Variants in VAV3 observed in about 807,000 individuals in gnomAD.
VAV3 encodes the protein vav guanine nucleotide exchange factor 3.
VAV3 carries 94 observed loss-of-function variants against 131.2 expected under a neutral mutation model. The ratio of observed to expected loss-of-function variants is 0.72; its 90% CI spans 0.61 to 0.85. VAV3 has a LOEUF of 0.85. VAV3 is among the 40% of genes least tolerant of loss of function. The pLI is 0.00. For synonymous variants in VAV3, 349 were observed against 342.0 expected (o/e 1.02, Z -0.22); for missense variants, 939 against 1,002.7 (o/e 0.94, Z 0.86).
At chr1:107,582,012 C>T (rs2101010256) in intron 25 of VAV3, among the ~76,000 whole-genome samples, 1 of 152,240 alleles carries the variant, frequency 6.6e-6, no homozygotes, top group South Asian at 2.1e-4. Context: ...TTGTAACAAG[C>T]ACATGTGTTC....
rs569027834 is a variant in VAV3, at chr1:107,606,149, C to A, written c.2016-2986G>T. 7.4e-4 allele frequency among the ~76,000 whole-genome samples: 112 copies of A among 152,138 alleles called. No homozygotes were observed. The Middle Eastern group carries it at 0.01, about 14-fold the overall frequency. Reference sequence around the variant, plus strand: ...CACAGGATGTAACACTCTAAAGTCCCACATCTATGAAAATATTTTATTTTA... The same window carrying A: ...CACAGGATGTAACACTCTAAAGTCCAACATCTATGAAAATATTTTATTTTA... On this transcript the variant is annotated intron_variant, in intron 22 of 26. Coordinates refer to ENST00000370056, the MANE Select transcript of VAV3 (RefSeq NM_006113.5).
intron 2 of VAV3, among the ~76,000 whole-genome samples, chr1:107,856,114 G>C (rs1014738910): frequency 2.0e-5 from 3 of 152,182 alleles, no homozygotes; most frequent in African/African-American, 7.2e-5. Flanking sequence ...GGTGGAGTGG[G>C]TGAGAAGCAA....
At chr1:107,686,311 G>A (rs532924635) in intron 18 of VAV3, among the ~76,000 whole-genome samples, 2 of 151,954 alleles carry the variant, frequency 1.3e-5, no homozygotes, top group East Asian at 3.9e-4. Context: ...CAAATAAAGT[G>A]CAAAATTTAA....
At chr1:107,704,758 C>T in intron 16 of VAV3, 108 bp from the exon 17 acceptor site, 5 of 1,028,620 alleles carry the variant, frequency 4.9e-6, no homozygotes, top group Non-Finnish European at 2.9e-6. Context: ...TTCAAGGTAC[C>T]CCCTTGGTAG....
chr1:107,848,808 C>A (rs1345226533), intron 2 of VAV3, among the ~76,000 whole-genome samples: 1 of 152,014 alleles, frequency 6.6e-6, no homozygotes, highest in Admixed American at 6.6e-5. Flanking sequence ...ATGATATGAT[C>A]GTATATTTAG....
intron 19 of VAV3, 51 bp from the exon 20 acceptor site, chr1:107,642,806 A>C (rs371940012): frequency 1.2e-6 from 2 of 1,609,692 alleles, no homozygotes; most frequent in East Asian, 4.5e-5. Context: ...TGATGCATGA[A>C]GTCTACATGA....
intron 2 of VAV3, among the ~76,000 whole-genome samples, chr1:107,865,454 G>C (rs1291785278): frequency 6.6e-6 from 1 of 152,152 alleles, no homozygotes; most frequent in African/African-American, 2.4e-5. Flanking sequence ...AGGGACTAAA[G>C]GGAATGAAAA....
At chr1:107,939,925 T>C (rs1331093289) in intron 1 of VAV3, among the ~76,000 whole-genome samples, 1 of 151,694 alleles carries the variant, frequency 6.6e-6, no homozygotes, top group Non-Finnish European at 1.5e-5. Context: ...TGGCCCCAGG[T>C]GAGGTGCTCT....
intron 2 of VAV3, among the ~76,000 whole-genome samples, chr1:107,858,021 T>C (rs1033999143): frequency 6.6e-6 from 1 of 152,214 alleles, no homozygotes; most frequent in Non-Finnish European, 1.5e-5. Flanking sequence ...ATGTTAATCC[T>C]GAACAAACTA....
At chr1:107,776,066 T>A (rs1413320589) in intron 4 of VAV3, among the ~76,000 whole-genome samples, 1 of 152,202 alleles carries the variant, frequency 6.6e-6, no homozygotes, top group Non-Finnish European at 1.5e-5. Context: ...TGTGAAGATA[T>A]AATAACAACC....
At chr1:107,675,512 A>G (rs1658140416) in intron 19 of VAV3, among the ~76,000 whole-genome samples, 1 of 152,210 alleles carries the variant, frequency 6.6e-6, no homozygotes, top group Non-Finnish European at 1.5e-5. Context: ...GCTATTATGC[A>G]TGAATATGTT....
intron 1 of VAV3, among the ~76,000 whole-genome samples, chr1:107,919,948 T>C (rs1672814963): frequency 6.6e-6 from 1 of 152,110 alleles, no homozygotes. Flanking sequence ...TTTTCATCAG[T>C]TGAGGTGACT....
intron 1 of VAV3, among the ~76,000 whole-genome samples, chr1:107,900,179 G>A (rs1671785567): frequency 6.6e-6 from 1 of 152,100 alleles, no homozygotes. Context: ...AAATACATTT[G>A]CTACATAGAC....
At chr1:107,603,626 T>C (rs1306561962) in intron 22 of VAV3, among the ~76,000 whole-genome samples, 1 of 152,206 alleles carries the variant, frequency 6.6e-6, no homozygotes, top group African/African-American at 2.4e-5. Flanking sequence ...AGTTTTTTGT[T>C]ATGAGATTAA....
chr1:107,907,660 T>TTC (rs372342017), intron 1 of VAV3, among the ~76,000 whole-genome samples: 5 of 150,978 alleles, frequency 3.3e-5, no homozygotes, highest in Admixed American at 6.6e-5. Context: ...TGTGCGTGCG[T>TTC]TCTCTCTCTC....
At chr1:107,754,136 G>A (rs1277956238) in intron 12 of VAV3, among the ~76,000 whole-genome samples, 2 of 152,086 alleles carry the variant, frequency 1.3e-5, no homozygotes, top group Non-Finnish European at 2.9e-5. Flanking sequence ...TAGCTGGAGG[G>A]GTTCAGGAAA....
At chr1:107,745,093 A>G (rs1246557460) in intron 15 of VAV3, among the ~76,000 whole-genome samples, 2 of 152,126 alleles carry the variant, frequency 1.3e-5, no homozygotes, top group African/African-American at 2.4e-5. Context: ...TTATATCCAT[A>G]TTTTCCAGCA....
chr1:107,803,225 C>G (rs146044844), intron 2 of VAV3, among the ~76,000 whole-genome samples: 2,242 of 151,934 alleles, frequency 0.015, 21 homozygotes, highest in Non-Finnish European at 0.019. Flanking sequence ...GGCCTTCTCT[C>G]TTTTTTGGTA....
chr1:107,845,234 CAGAA>C (rs1285704388), intron 2 of VAV3, among the ~76,000 whole-genome samples: 1 of 152,190 alleles, frequency 6.6e-6, no homozygotes, highest in Non-Finnish European at 1.5e-5. Context: ...AACTAACAAA[CAGAA>C]AGGAATAGCG....
Sources: gnomAD v4.1 joint callset for allele counts (sites outside exome capture counted in the v4.1 genomes callset) on GRCh38, gnomAD v4.1.1 for gene constraint, MANE v1.5 for transcripts, NCBI Gene and HGNC (gene_info 2026-07-23, HGNC 2026-07-21) for gene names.